Variants in SASH1 observed in about 807,000 individuals in gnomAD.
SASH1 encodes SAM and SH3 domain containing 1, also known as SAM and SH3 domain-containing protein 1.
In SASH1, 44 loss-of-function variants were observed where a neutral mutation model predicts 125.2. The ratio of observed to expected loss-of-function variants is 0.35; its 90% CI spans 0.28 to 0.45. The LOEUF (loss-of-function observed/expected upper bound fraction) is 0.45. SASH1 is among the 20% of genes least tolerant of loss of function. The pLI is 1.00. For synonymous variants in SASH1, 639 were observed against 649.1 expected, an observed-to-expected ratio of 0.98 and a Z score of 0.24; for missense variants, 1,426 against 1,614.5, an observed-to-expected ratio of 0.88 and a Z score of 2.00.
At chr6:148,296,739 C>T (rs1248072845) in intron 1 of SASH1, among the ~76,000 whole-genome samples, 6 of 152,274 alleles carry the variant, frequency 3.9e-5, no homozygotes, top group South Asian at 4.2e-4. Flanking sequence ...AAAATCCCTT[C>T]GGTGCGGCAG....
chr6:148,316,025 C>G (rs1780471956), intron 1 of SASH1, among the ~76,000 whole-genome samples: 1 of 152,184 alleles, frequency 6.6e-6, no homozygotes, highest in African/African-American at 2.4e-5. Context: ...AGATACAGTC[C>G]TCCTTTTGTT....
chr6:148,391,348 A>AT (rs1291546453), intron 2 of SASH1, among the ~76,000 whole-genome samples: 2 of 149,244 alleles, frequency 1.3e-5, no homozygotes, highest in South Asian at 2.1e-4. Flanking sequence ...ACTTCAGGTG[A>AT]CCACCCGCGT....
rs71004297 is a variant in SASH1 at position 148,458,983 on chromosome 6, TACACACACACACACAC to T, written c.387-9537_387-9522del. ...ACCTGTCTCAAAAAAAAAAAAAGTA[TACACACACACACACAC>T]ACACACACACACACACACACACACC... On this transcript the variant is annotated intron_variant, in intron 4 of 19. Coordinates refer to ENST00000367467, the MANE Select transcript of SASH1 (RefSeq NM_015278.5). 6.1e-3 allele frequency among the ~76,000 whole-genome samples: 835 copies of T among 137,956 alleles called. 6 individuals carry two copies. Among genetic ancestry groups the T allele is most frequent in the African/African-American group, 0.021 (776 of 36,978 alleles). The allele number at this position is 137,956 out of a possible 152,430, so 90.5% of individuals were successfully genotyped here.
intron 8 of SASH1, among the ~76,000 whole-genome samples, chr6:148,510,117 A>G (rs901643325): frequency 1.3e-5 from 2 of 152,242 alleles, no homozygotes; most frequent in African/African-American, 4.8e-5. Flanking sequence ...TAATGTTGCT[A>G]TGGAAACCAG....
intron 1 of SASH1, among the ~76,000 whole-genome samples, chr6:148,301,940 T>C (rs1419108829): frequency 1.3e-5 from 2 of 151,636 alleles, no homozygotes; most frequent in East Asian, 3.9e-4. Flanking sequence ...TAAATGATCA[T>C]TATGTGCCAA....
At position 148,548,411 on chromosome 6, in the gene SASH1, C is replaced by T; in HGVS notation, c.3597C>T (p.Ser1199=). The T allele has an allele frequency of 1.2e-6, 2 of 1,614,230 alleles. 1 individual carries two copies. The highest frequency in any genetic ancestry group is 3.3e-4 in the Middle Eastern group (2 of 6,062). ...TGCCCATGTACGCCGGCACCCTCTC[C>T]ACCGCGGGCTTCAGCACACTGAGCC... The part of the protein sequence containing the change: ...IGLPMYAGTL[S]TAGFSTLSQV... The change falls in exon 20 of 20, where the codon TCC becomes TCT. Residue 1199 remains serine, a synonymous_variant. Transcript: ENST00000367467.
chr6:148,394,255 G>A (rs987977599), intron 2 of SASH1, among the ~76,000 whole-genome samples: 1 of 152,098 alleles, frequency 6.6e-6, no homozygotes, highest in Non-Finnish European at 1.5e-5. Flanking sequence ...TTCTAAAACT[G>A]GCAAGGATCG....
intron 16 of SASH1, among the ~76,000 whole-genome samples, chr6:148,536,041 T>TAAAC (rs1170505596): frequency 6.6e-6 from 1 of 152,202 alleles, no homozygotes; most frequent in East Asian, 1.9e-4. Context: ...GAGCCTAAGA[T>TAAAC]AAACAGGCTG....
At chr6:148,524,361 A>AGAT (rs1330146531) in intron 10 of SASH1, 1 of 151,996 alleles carries the variant, frequency 6.6e-6, no homozygotes. Flanking sequence ...TTTTTAAAAA[A>AGAT]GATAATTAGC....
intron 1 of SASH1, among the ~76,000 whole-genome samples, chr6:148,368,971 C>T (rs1782600337): frequency 6.6e-6 from 1 of 152,214 alleles, no homozygotes; most frequent in Non-Finnish European, 1.5e-5. Context: ...CTGTCTCTTA[C>T]TCTGGAAGAT....
At position 148,532,783 on chromosome 6, in the gene SASH1, T is replaced by C; in HGVS notation, c.1565-14T>C. 6.2e-7 allele frequency: 1 copy of C among 1,613,820 alleles called. No individual in the cohort carries two copies. The highest frequency in any genetic ancestry group is 8.5e-7 in the Non-Finnish European group (1 of 1,179,820). On this transcript the variant is annotated splice_polypyrimidine_tract_variant and intron_variant, in intron 13 of 19. Transcript: ENST00000367467. The surrounding 1 kb of genome is among the most constrained non-coding windows in gnomAD (Gnocchi z 4.7). ...TCTGGATCTACCCGTGTTCTTCCTA[T>C]GTTTCCTGTACAGGCGGTCAAACAG...
chr6:148,507,893 C>T (rs565027611), intron 8 of SASH1, among the ~76,000 whole-genome samples: 212 of 152,284 alleles, frequency 1.4e-3, no homozygotes, highest in African/African-American at 4.8e-3. Context: ...ATGAACTTAG[C>T]CCTGAAAAGA....
chr6:148,453,826 G>C (rs1000207158), intron 4 of SASH1, among the ~76,000 whole-genome samples: 4 of 152,230 alleles, frequency 2.6e-5, no homozygotes, highest in Non-Finnish European at 5.9e-5. Flanking sequence ...CCGCTTGGGG[G>C]ATAGGCATGG....
In SASH1 at chr6:148,471,411, TTTAAGG is replaced by T; in HGVS notation, c.428-5_428del. 1 of 1,224,410 alleles carries T rather than the reference TTTAAGG, an allele frequency of 8.2e-7. No homozygotes were observed. The highest frequency in any genetic ancestry group is 1.1e-6 in the Non-Finnish European group (1 of 891,522). 75.8% of individuals were successfully genotyped at this position (1,224,410 alleles called of 1,614,324 possible). On this transcript the variant is annotated splice_acceptor_variant and splice_polypyrimidine_tract_variant and coding_sequence_variant and intron_variant, in exon 6 of 20. Coordinates refer to ENST00000367467, the MANE Select transcript of SASH1 (RefSeq NM_015278.5). LOFTEE classifies it high-confidence loss of function. ...CTTTTTTTTTTTTTTTTTTTTTTTT[TTTAAGG>T]AAAAGGAGACTGGAAGAAGAAAAAT...
chr6:148,199,108 G>A, the SASH1 span, among the ~76,000 whole-genome samples: 2 of 152,170 alleles, frequency 1.3e-5, no homozygotes, highest in Non-Finnish European at 2.9e-5. Context: ...CTGGCCAGTC[G>A]TGGTGGCTCA....
intron 1 of SASH1, among the ~76,000 whole-genome samples, chr6:148,359,714 A>G (rs1562349390): frequency 6.6e-6 from 1 of 152,204 alleles, no homozygotes; most frequent in Non-Finnish European, 1.5e-5. Context: ...GAAATCTTTC[A>G]TGAAAGGAAG....
the SASH1 span, among the ~76,000 whole-genome samples, chr6:148,234,822 C>T: frequency 1.1e-4 from 16 of 147,928 alleles, no homozygotes; most frequent in Non-Finnish European, 2.1e-4. Context: ...AGCGAAACTC[C>T]GTTTCAGAAA....
At chr6:148,485,181 T>A (rs1778789792) in intron 7 of SASH1, among the ~76,000 whole-genome samples, 1 of 152,150 alleles carries the variant, frequency 6.6e-6, no homozygotes, top group Non-Finnish European at 1.5e-5. Flanking sequence ...GATATAAACA[T>A]GGACTAGAGA....
chr6:148,302,454 T>C (rs9497994), intron 1 of SASH1, among the ~76,000 whole-genome samples: 2,726 of 151,820 alleles, frequency 0.018, 74 homozygotes, highest in African/African-American at 0.063. Context: ...ACCACTCTTC[T>C]GATTTTCTAG....
Sources: gnomAD v4.1 joint callset for allele counts (sites outside exome capture counted in the v4.1 genomes callset) on GRCh38, gnomAD v4.1.1 for gene constraint, Gnocchi (gnomAD v3.1) non-coding constraint, MANE v1.5 for transcripts, NCBI Gene and HGNC (gene_info 2026-07-23, HGNC 2026-07-21) for gene names.